The following FMNL2 variants were observed in gnomAD, a reference collection of about 807,000 sequenced individuals.
The protein encoded by FMNL2 is formin like 2, also known as formin-like protein 2.
FMNL2 carries 51 observed loss-of-function variants against 130.2 expected under a neutral mutation model. The ratio of observed to expected loss-of-function variants is 0.39; its 90% CI spans 0.31 to 0.49. The LOEUF is 0.49. Ranked by LOEUF, FMNL2 falls within the 20% of genes least tolerant of loss-of-function variation. The pLI is 0.85. For missense variants in FMNL2, 977 were observed against 1,316.2 expected (o/e 0.74, Z 3.99); for synonymous variants, 465 against 467.1 (o/e 1.00, Z 0.06).
intron 1 of FMNL2, among the ~76,000 whole-genome samples, chr2:152,417,787 T>G (rs1686695477): frequency 6.6e-6 from 1 of 152,152 alleles, no homozygotes; most frequent in African/African-American, 2.4e-5. Context: ...CCCTGCCTAT[T>G]TATTTGTGCA....
At chr2:152,336,343 G>C (rs984194386) in intron 1 of FMNL2, among the ~76,000 whole-genome samples, 4 of 152,294 alleles carry the variant, frequency 2.6e-5, no homozygotes, top group South Asian at 2.1e-4. Context: ...AGGAGCAGGG[G>C]CATCTGAAAC....
chr2:152,451,699 A>G (rs894911647), intron 1 of FMNL2, among the ~76,000 whole-genome samples: 1 of 152,148 alleles, frequency 6.6e-6, no homozygotes, highest in Non-Finnish European at 1.5e-5. Context: ...TCCGGAGTCC[A>G]CACTCTGAAA....
At chr2:152,450,299 C>A (rs1024317112) in intron 1 of FMNL2, among the ~76,000 whole-genome samples, 2 of 152,100 alleles carry the variant, frequency 1.3e-5, no homozygotes, top group African/African-American at 4.8e-5. Flanking sequence ...AAGGATTTAA[C>A]AAATCAACAA....
At chr2:152,565,276 G>C (rs1031818078) in intron 6 of FMNL2, among the ~76,000 whole-genome samples, 1 of 152,208 alleles carries the variant, frequency 6.6e-6, no homozygotes, top group Non-Finnish European at 1.5e-5. Context: ...TTTGGAGGAA[G>C]GGACAAATTT....
intron 6 of FMNL2, among the ~76,000 whole-genome samples, chr2:152,561,575 CT>C (rs139322536): frequency 0.011 from 1,602 of 140,138 alleles, 14 homozygotes; most frequent in Middle Eastern, 0.036. Context: ...ACTTGTCAAC[CT>C]TTTTTTTTTT....
At chr2:152,510,651 A>T (rs1318951328) in intron 1 of FMNL2, among the ~76,000 whole-genome samples, 1 of 152,242 alleles carries the variant, frequency 6.6e-6, no homozygotes, top group Non-Finnish European at 1.5e-5. Flanking sequence ...AGATGCAAAC[A>T]CTTACTTCAT....
chr2:152,572,675 T>C lies in FMNL2; in HGVS notation c.597-2461T>C, dbSNP rs1696239086. On this transcript the variant is annotated intron_variant, in intron 6 of 25. Coordinates refer to ENST00000288670, the MANE Select transcript of FMNL2 (RefSeq NM_052905.4). ...GCATTGTCTCTTGAGCCCAGGAATC[T>C]GAGGCTGCAGGGAGCCGTGATCATG... is the stretch of plus-strand genomic sequence containing the variant. 2.6e-5 allele frequency among the ~76,000 whole-genome samples: 4 copies of C among 152,148 alleles called. No homozygotes were observed. The South Asian group carries it at 6.2e-4, about 24-fold the overall frequency.
chr2:152,620,386 T>G (rs935277272), intron 15 of FMNL2, among the ~76,000 whole-genome samples: 1 of 152,140 alleles, frequency 6.6e-6, no homozygotes, highest in South Asian at 2.1e-4. Context: ...AGGTAGGGGT[T>G]AGAGCAGGAG....
chr2:152,590,631 T>A (rs1697379159), intron 9 of FMNL2, among the ~76,000 whole-genome samples: 1 of 151,354 alleles, frequency 6.6e-6, no homozygotes, highest in Non-Finnish European at 1.5e-5. Flanking sequence ...AAAAAACCTG[T>A]AGGTTCAACT....
intron 1 of FMNL2, among the ~76,000 whole-genome samples, chr2:152,344,572 CTATT>C (rs947508248): frequency 4.3e-4 from 66 of 152,294 alleles, no homozygotes; most frequent in African/African-American, 1.6e-3. Context: ...CTTTATTTAA[CTATT>C]TAAGAAATGA....
At chr2:152,353,797 T>C (rs1682637619) in intron 1 of FMNL2, among the ~76,000 whole-genome samples, 1 of 152,216 alleles carries the variant, frequency 6.6e-6, no homozygotes, top group East Asian at 1.9e-4. Context: ...ATTAAAGCAC[T>C]GGCTTTAGGG....
chr2:152,628,557 G>A (rs1203464183), intron 18 of FMNL2, 24 bp downstream of exon 18: 1 of 1,585,886 alleles, frequency 6.3e-7, no homozygotes, highest in Non-Finnish European at 8.7e-7. Flanking sequence ...CTCTGGCAGG[G>A]GAGGGGGTCC....
chr2:152,527,741 T>C (rs10209069), intron 2 of FMNL2, among the ~76,000 whole-genome samples: 50,236 of 152,054 alleles, frequency 0.33, 8,518 homozygotes, highest in East Asian at 0.54. Context: ...ATCACTTCTT[T>C]GATCTATGGG....
intron 9 of FMNL2, among the ~76,000 whole-genome samples, chr2:152,588,575 T>C (rs67519408): frequency 0.14 from 21,374 of 152,140 alleles, 1,713 homozygotes; most frequent in African/African-American, 0.22. Context: ...GTGGACATCC[T>C]GGCGGGTAGG....
chr2:152,424,546 A>G (rs1280907076), intron 1 of FMNL2, among the ~76,000 whole-genome samples: 1 of 152,092 alleles, frequency 6.6e-6, no homozygotes, highest in African/African-American at 2.4e-5. Flanking sequence ...GTGCGCCACC[A>G]TGCGCGGCTA....
intron 1 of FMNL2, among the ~76,000 whole-genome samples, chr2:152,397,091 C>A (rs1376955015): frequency 6.6e-6 from 1 of 152,164 alleles, no homozygotes; most frequent in Non-Finnish European, 1.5e-5. Context: ...GGAAAAAGAT[C>A]TATTAAGGTT....
intron 1 of FMNL2, among the ~76,000 whole-genome samples, chr2:152,469,807 G>A (rs1204820514): frequency 6.6e-6 from 1 of 152,046 alleles, no homozygotes; most frequent in Non-Finnish European, 1.5e-5. Context: ...TTGTAAAATG[G>A]GAGCAGTATG....
intron 15 of FMNL2, among the ~76,000 whole-genome samples, chr2:152,621,263 C>T (rs1409782190): frequency 1.3e-5 from 2 of 152,208 alleles, no homozygotes; most frequent in East Asian, 1.9e-4. Context: ...TTAGCACCCA[C>T]TTCCACGCAC....
At chr2:152,634,403 A>C (rs1295703902) in intron 21 of FMNL2, among the ~76,000 whole-genome samples, 1 of 152,258 alleles carries the variant, frequency 6.6e-6, no homozygotes, top group Non-Finnish European at 1.5e-5. Context: ...ACTTCACTCC[A>C]GCCTGGGTGA....
Sources: gnomAD v4.1 joint callset for allele counts (sites outside exome capture counted in the v4.1 genomes callset) on GRCh38, gnomAD v4.1.1 for gene constraint, MANE v1.5 for transcripts, NCBI Gene and HGNC (gene_info 2026-07-23, HGNC 2026-07-21) for gene names.